Variants in TLL1 observed in about 807,000 individuals in gnomAD.
TLL1 encodes tolloid like 1, also known as tolloid-like protein 1.
Under a neutral mutation model 128.2 loss-of-function variants are expected in TLL1, and 49 were observed. That is an observed-to-expected ratio of 0.38 (90% confidence interval 0.30 to 0.48). The LOEUF is 0.48. Ranked by LOEUF, TLL1 falls within the 20% of genes least tolerant of loss-of-function variation. TLL1 has a pLI of 0.96. For synonymous variants in TLL1, 454 were observed against 418.8 expected (o/e 1.08, Z -1.03); for missense variants, 1,123 against 1,242.0 (o/e 0.90, Z 1.44).
At chr4:165,891,270 T>C (rs1343298330) in intron 1 of TLL1, among the ~76,000 whole-genome samples, 1 of 152,032 alleles carries the variant, frequency 6.6e-6, no homozygotes, top group Non-Finnish European at 1.5e-5. Context: ...GTCTTGGAGA[T>C]TGACATTTGG....
chr4:166,044,001 G>A (rs2111095556), intron 12 of TLL1, among the ~76,000 whole-genome samples: 1 of 152,262 alleles, frequency 6.6e-6, no homozygotes, highest in South Asian at 2.1e-4. Context: ...TCTGGGTCCA[G>A]AACTAACACG....
At chr4:166,061,128 T>A (rs1178746417) in intron 15 of TLL1, among the ~76,000 whole-genome samples, 1 of 152,192 alleles carries the variant, frequency 6.6e-6, no homozygotes, top group African/African-American at 2.4e-5. Context: ...AATGTATCTG[T>A]GCCACTGAAG....
In TLL1 at chr4:166,057,210, C is replaced by T. The variant is rs148087185; in HGVS notation, c.1747C>T (p.Arg583Cys). 1.0e-3 allele frequency: 1,650 copies of T among 1,613,598 alleles called. No homozygotes were observed. The highest frequency in any genetic ancestry group is 1.2e-3 in the Non-Finnish European group (1,398 of 1,179,876). The change falls in exon 14 of 21, where the codon CGT becomes TGT. Residue 583 changes from arginine (R) to cysteine (C), a missense_variant. This residue lies in a region of TLL1 where 634 missense variants were observed against 672.4 expected (regional missense o/e 0.94). Transcript: ENST00000061240. ...KEEDECAKPD[R>C]GGCEQRCLNT... ...GGAAGATGAGTGTGCCAAACCTGACCGTGGAGGCTGTGAGCAGCGATGTCT... is the reference window on the plus strand; with the variant it reads ...GGAAGATGAGTGTGCCAAACCTGACTGTGGAGGCTGTGAGCAGCGATGTCT...
At chr4:165,919,924 G>A (rs1732970610) in intron 1 of TLL1, 1 of 444,760 alleles carries the variant, frequency 2.2e-6, no homozygotes, top group Middle Eastern at 5.3e-4. Flanking sequence ...TCTCATGAGG[G>A]GAGGTCAGAG....
intron 12 of TLL1, chr4:166,044,285 C>G: frequency 8.2e-7 from 1 of 1,225,206 alleles, no homozygotes; most frequent in Non-Finnish European, 1.2e-6. Context: ...CCCTACTACC[C>G]AGTGGGTAGT....
intron 1 of TLL1, among the ~76,000 whole-genome samples, chr4:165,967,607 T>C (rs1234414031): frequency 2.6e-5 from 4 of 152,170 alleles, no homozygotes; most frequent in African/African-American, 9.7e-5. Flanking sequence ...AGAGTGATGT[T>C]AAAAGCATTC....
At chr4:165,882,494 A>G (rs1233037994) in intron 1 of TLL1, among the ~76,000 whole-genome samples, 1 of 152,156 alleles carries the variant, frequency 6.6e-6, no homozygotes. Context: ...AAGAAATAGT[A>G]TATAACTAAA....
chr4:166,001,145 T>C (rs2111030050), intron 5 of TLL1, among the ~76,000 whole-genome samples: 1 of 152,270 alleles, frequency 6.6e-6, no homozygotes, highest in Non-Finnish European at 1.5e-5. Flanking sequence ...ATTCGGTCAA[T>C]TAGTTTTTGG....
At chr4:165,916,804 A>G (rs144964558) in intron 1 of TLL1, among the ~76,000 whole-genome samples, 340 of 152,272 alleles carry the variant, frequency 2.2e-3, no homozygotes, top group African/African-American at 7.8e-3. Flanking sequence ...CTGCCTGTCT[A>G]TACATTCCGA....
At chr4:166,066,602 A>G (rs2111126929) in intron 16 of TLL1, among the ~76,000 whole-genome samples, 1 of 151,952 alleles carries the variant, frequency 6.6e-6, no homozygotes, top group South Asian at 2.1e-4. Flanking sequence ...TTTTAATGTT[A>G]GGTAATTTGG....
intron 18 of TLL1, among the ~76,000 whole-genome samples, chr4:166,078,980 A>G (rs1741163416): frequency 6.6e-6 from 1 of 152,210 alleles, no homozygotes; most frequent in South Asian, 2.1e-4. Flanking sequence ...CAACATTATA[A>G]TAAAATCAGA....
chr4:165,942,189 A>G (rs1734046656), intron 1 of TLL1, among the ~76,000 whole-genome samples: 1 of 151,728 alleles, frequency 6.6e-6, no homozygotes, highest in African/African-American at 2.4e-5. Context: ...CAACATTGGC[A>G]TTTGCAGTTG....
intron 1 of TLL1, chr4:165,919,734 G>A (rs980149495): frequency 2.3e-6 from 1 of 444,266 alleles, no homozygotes; most frequent in Non-Finnish European, 4.5e-6. Context: ...GTTGTAGTCT[G>A]AAATGGCATG....
intron 9 of TLL1, among the ~76,000 whole-genome samples, chr4:166,035,070 T>A (rs562756244): frequency 1.3e-5 from 2 of 152,302 alleles, no homozygotes; most frequent in South Asian, 4.1e-4. Context: ...TACTATCACT[T>A]TGAAATTTAA....
At chr4:165,907,320 C>T (rs901815386) in intron 1 of TLL1, among the ~76,000 whole-genome samples, 1 of 152,004 alleles carries the variant, frequency 6.6e-6, no homozygotes, top group Non-Finnish European at 1.5e-5. Context: ...TTTTGCTCAT[C>T]ATGATACATT....
chr4:166,070,945 T>A (rs1427179537), intron 16 of TLL1, among the ~76,000 whole-genome samples: 2 of 151,974 alleles, frequency 1.3e-5, no homozygotes, highest in Non-Finnish European at 2.9e-5. Flanking sequence ...CAAGTTTTCA[T>A]CATTATTGAA....
chr4:165,957,742 AG>A (rs1469817613), intron 1 of TLL1, among the ~76,000 whole-genome samples: 4 of 149,126 alleles, frequency 2.7e-5, no homozygotes, highest in African/African-American at 9.9e-5. Flanking sequence ...TTTAAGTTTT[AG>A]GGTACATGTG....
intron 1 of TLL1, among the ~76,000 whole-genome samples, chr4:165,951,245 A>G (rs1211781941): frequency 6.6e-6 from 1 of 152,166 alleles, no homozygotes; most frequent in Non-Finnish European, 1.5e-5. Context: ...AAATTGAATT[A>G]CTGTTTAAAA....
chr4:166,026,132 A>T (rs1400460145), intron 9 of TLL1, among the ~76,000 whole-genome samples: 1 of 152,224 alleles, frequency 6.6e-6, no homozygotes, highest in Non-Finnish European at 1.5e-5. Context: ...TCACGCCTGT[A>T]ATCCCAGCAC....
Sources: allele counts gnomAD v4.1 joint callset (sites outside exome capture counted in the v4.1 genomes callset), GRCh38; gene constraint gnomAD v4.1.1; regional missense constraint gnomAD v4.1.1; transcripts MANE v1.5; gene names NCBI Gene and HGNC (gene_info 2026-07-23, HGNC 2026-07-21).